The following FAM177A1 variants were observed in gnomAD, a reference collection of about 807,000 sequenced individuals.
FAM177A1 encodes the protein family with sequence similarity 177 member A1.
FAM177A1 carries 22 observed loss-of-function variants against 26.1 expected under a neutral mutation model. That is an observed-to-expected ratio of 0.84 (90% confidence interval 0.60 to 1.20). FAM177A1 has a LOEUF of 1.20. Ranked by LOEUF, FAM177A1 falls within the 50% of genes most tolerant of loss-of-function variation. FAM177A1 has a pLI of 0.00. For synonymous variants in FAM177A1, 95 were observed against 99.3 expected, an observed-to-expected ratio of 0.96 and a Z score of 0.26; for missense variants, 296 against 291.1, an observed-to-expected ratio of 1.02 and a Z score of -0.12.
At chr14:35,077,670 G>A (rs1381263218) in intron 3 of FAM177A1, among the ~76,000 whole-genome samples, 1 of 150,286 alleles carries the variant, frequency 6.7e-6, no homozygotes, top group African/African-American at 2.5e-5. Flanking sequence ...TTTTAGTAGA[G>A]ACGGGGTTTC....
At chr14:35,077,292 T>A (rs8011242) in intron 3 of FAM177A1, 76 bp downstream of exon 3, 195,236 of 1,334,384 alleles carry the variant, frequency 0.15, 15,458 homozygotes, top group Middle Eastern at 0.23. Context: ...AAATAGGATG[T>A]TTCCAAACTG....
At chr14:35,075,546 C>A (rs910972490) in intron 2 of FAM177A1, among the ~76,000 whole-genome samples, 10 of 152,060 alleles carry the variant, frequency 6.6e-5, no homozygotes, top group Admixed American at 6.6e-5. Flanking sequence ...TGGTCAAGGA[C>A]TTCATGACTA....
At chr14:35,071,425 A>G (rs1168660484) in intron 2 of FAM177A1, among the ~76,000 whole-genome samples, 1 of 152,212 alleles carries the variant, frequency 6.6e-6, no homozygotes, top group Non-Finnish European at 1.5e-5. Context: ...TTTGGAGGAA[A>G]AATGAATCAT....
intron 1 of FAM177A1, among the ~76,000 whole-genome samples, chr14:35,047,246 T>C (rs1342277730): frequency 6.6e-6 from 1 of 152,264 alleles, no homozygotes; most frequent in Non-Finnish European, 1.5e-5. Flanking sequence ...GCATATCTTA[T>C]TTAACCTAAT....
chr14:35,075,937 AAAC>A (rs1166072160), intron 2 of FAM177A1, among the ~76,000 whole-genome samples: 2 of 152,192 alleles, frequency 1.3e-5, no homozygotes, highest in Non-Finnish European at 2.9e-5. Flanking sequence ...AAAAGTCAGG[AAAC>A]AACAGGTGCT....
At chr14:35,068,636 T>C (rs528152909) in intron 2 of FAM177A1, among the ~76,000 whole-genome samples, 1 of 152,340 alleles carries the variant, frequency 6.6e-6, no homozygotes, top group African/African-American at 2.4e-5. Flanking sequence ...CCTTCTCCAT[T>C]TGGGTATTCT....
chr14:35,076,643 A>T (rs2045401200), intron 2 of FAM177A1, among the ~76,000 whole-genome samples: 1 of 152,210 alleles, frequency 6.6e-6, no homozygotes, highest in Non-Finnish European at 1.5e-5. Flanking sequence ...CTTGCCGCTT[A>T]TTTGTCCCTT....
intron 2 of FAM177A1, among the ~76,000 whole-genome samples, chr14:35,070,270 C>T (rs1461103091): frequency 2.6e-5 from 4 of 151,806 alleles, no homozygotes; most frequent in Non-Finnish European, 4.4e-5. Flanking sequence ...GTGATCCACC[C>T]GCCTCAGCCT....
intron 2 of FAM177A1, among the ~76,000 whole-genome samples, chr14:35,059,043 C>T (rs2045108452): frequency 6.6e-6 from 1 of 151,994 alleles, no homozygotes; most frequent in African/African-American, 2.4e-5. Flanking sequence ...TCACGCCATT[C>T]TCCTGCCTCA....
At chr14:35,064,608 A>G (rs773792134) in intron 2 of FAM177A1, among the ~76,000 whole-genome samples, 7 of 152,172 alleles carry the variant, frequency 4.6e-5, no homozygotes, top group Non-Finnish European at 8.8e-5. Context: ...CCGAGATAGA[A>G]TAATAATTAC....
chr14:35,045,156 T>C (rs1028239982), upstream of FAM177A1: 4 of 152,196 alleles, frequency 2.6e-5, no homozygotes, highest in East Asian at 3.8e-4. Context: ...TTGGACTGTC[T>C]CAACTCCCTG....
rs2045004327 is a variant in FAM177A1, at chr14:35,053,259, T to G, written c.166-19T>G. On this transcript the variant is annotated intron_variant, in intron 1 of 4. Coordinates refer to ENST00000280987, the MANE Select transcript of FAM177A1 (RefSeq NM_173607.5). ...TAATCTCACTTGAAACTCATTTTCT[T>G]AAAATATCGTTGATATAGATGAGTA... 4 of 1,581,934 alleles carry G rather than the reference T, an allele frequency of 2.5e-6. No homozygotes were observed. The highest frequency in any genetic ancestry group is 2.3e-5 in the South Asian group (2 of 86,234).
intron 2 of FAM177A1, among the ~76,000 whole-genome samples, chr14:35,055,198 G>A (rs1469541582): frequency 6.6e-6 from 1 of 151,222 alleles, no homozygotes; most frequent in Non-Finnish European, 1.5e-5. Context: ...AGCTACTCAG[G>A]AGGCTGAGGC....
chr14:35,071,595 A>C (rs1254915106), intron 2 of FAM177A1, among the ~76,000 whole-genome samples: 1 of 151,978 alleles, frequency 6.6e-6, no homozygotes, highest in Non-Finnish European at 1.5e-5. Context: ...AGGGCCCTAT[A>C]TATTCATTCT....
chr14:35,061,693 G>T (rs977349645), intron 2 of FAM177A1, among the ~76,000 whole-genome samples: 1 of 150,764 alleles, frequency 6.6e-6, no homozygotes, highest in South Asian at 2.1e-4. Flanking sequence ...CAGCACACCA[G>T]CATGGCACAT....
chr14:35,048,509 G>A (rs1488071679), intron 1 of FAM177A1, among the ~76,000 whole-genome samples: 3 of 150,832 alleles, frequency 2.0e-5, no homozygotes, highest in Non-Finnish European at 4.4e-5. Context: ...TAACTATTAA[G>A]TTTTGGTGTA....
intron 2 of FAM177A1, among the ~76,000 whole-genome samples, chr14:35,057,709 CT>C (rs1037607792): frequency 7.9e-5 from 12 of 151,734 alleles, no homozygotes; most frequent in African/African-American, 2.9e-4. Context: ...AAAGTATTTT[CT>C]TTTTTTTCCT....
chr14:35,057,801 TTA>T (rs573832236), intron 2 of FAM177A1, among the ~76,000 whole-genome samples: 459 of 152,312 alleles, frequency 3.0e-3, no homozygotes, highest in African/African-American at 0.01. Context: ...ATTTTTTCTT[TTA>T]TTGATTTCTG....
chr14:35,057,199 G>A (rs2045075145), intron 2 of FAM177A1, among the ~76,000 whole-genome samples: 1 of 152,052 alleles, frequency 6.6e-6, no homozygotes. Flanking sequence ...TTTAAGTACT[G>A]CCTTAGTTTT....
Sources: gnomAD v4.1 joint callset for allele counts (sites outside exome capture counted in the v4.1 genomes callset) on GRCh38, gnomAD v4.1.1 for gene constraint, MANE v1.5 for transcripts, NCBI Gene and HGNC (gene_info 2026-07-23, HGNC 2026-07-21) for gene names.